Variants in CNTN5 observed in about 807,000 individuals in gnomAD.
The protein encoded by CNTN5 is contactin 5, also known as contactin-5.
CNTN5 carries 77 observed loss-of-function variants against 129.1 expected under a neutral mutation model. The observed-to-expected ratio is 0.60, with a 90% CI of 0.50 to 0.72. CNTN5 has a LOEUF of 0.72. Ranked by LOEUF, CNTN5 falls within the 30% of genes least tolerant of loss-of-function variation. The pLI, the probability that CNTN5 is intolerant of heterozygous loss-of-function variation, is 0.00. For missense variants in CNTN5, 1,478 were observed against 1,328.8 expected (o/e 1.11, Z -1.75); for synonymous variants, 509 against 465.6 (o/e 1.09, Z -1.20).
At chr11:99,513,799 C>G (rs1311224092) in intron 2 of CNTN5, among the ~76,000 whole-genome samples, 2 of 151,968 alleles carry the variant, frequency 1.3e-5, no homozygotes, top group South Asian at 4.1e-4. Flanking sequence ...TGCAAGAGCT[C>G]TGATGGAGAT....
At chr11:99,181,292 A>G (rs1054082321) in intron 1 of CNTN5, among the ~76,000 whole-genome samples, 1 of 152,174 alleles carries the variant, frequency 6.6e-6, no homozygotes, top group Non-Finnish European at 1.5e-5. Flanking sequence ...AGGGAACAGG[A>G]AGAGTTCTAC....
At chr11:99,599,823 T>C (rs1174337356) in intron 3 of CNTN5, among the ~76,000 whole-genome samples, 2 of 152,118 alleles carry the variant, frequency 1.3e-5, no homozygotes, top group African/African-American at 4.8e-5. Flanking sequence ...TTAAAATCCA[T>C]ATAGGAAAAT....
chr11:100,146,683 T>C (rs1379766442), intron 13 of CNTN5, among the ~76,000 whole-genome samples: 2 of 152,254 alleles, frequency 1.3e-5, no homozygotes, highest in East Asian at 1.9e-4. Flanking sequence ...GTTGAAAATA[T>C]AATATAGTTA....
At chr11:100,244,563 T>C (rs1196164567) in intron 16 of CNTN5, among the ~76,000 whole-genome samples, 1 of 152,204 alleles carries the variant, frequency 6.6e-6, no homozygotes, top group Non-Finnish European at 1.5e-5. Flanking sequence ...TTTTTTAAAA[T>C]GAAGGTAGCA....
chr11:99,378,036 A>G (rs145620723), intron 2 of CNTN5, among the ~76,000 whole-genome samples: 1 of 152,180 alleles, frequency 6.6e-6, no homozygotes, highest in Non-Finnish European at 1.5e-5. Flanking sequence ...TTTAGGGTGT[A>G]TAATCAACCT....
intron 1 of CNTN5, among the ~76,000 whole-genome samples, chr11:99,191,834 A>T (rs1246213562): frequency 6.6e-6 from 1 of 151,870 alleles, no homozygotes; most frequent in African/African-American, 2.4e-5. Flanking sequence ...AGAGAAGTTT[A>T]TAGCAATAAA....
chr11:99,586,483 A>C (rs1381568676), intron 3 of CNTN5, among the ~76,000 whole-genome samples: 1 of 152,200 alleles, frequency 6.6e-6, no homozygotes, highest in Non-Finnish European at 1.5e-5. Flanking sequence ...ACCTTTCTGC[A>C]TATCATGTTC....
intron 2 of CNTN5, among the ~76,000 whole-genome samples, chr11:99,549,070 C>G (rs1273640883): frequency 2.0e-5 from 3 of 147,120 alleles, no homozygotes; most frequent in Non-Finnish European, 4.5e-5. Flanking sequence ...TTCCTATTTC[C>G]TCTTTCTCAT....
intron 1 of CNTN5, among the ~76,000 whole-genome samples, chr11:99,185,396 C>T (rs755024310): frequency 6.6e-6 from 1 of 151,686 alleles, no homozygotes; most frequent in Non-Finnish European, 1.5e-5. Context: ...GAAGTAATCT[C>T]GATTGGGTGA....
chr11:100,353,809 T>TG (rs1367097193), intron 24 of CNTN5, among the ~76,000 whole-genome samples: 1 of 151,654 alleles, frequency 6.6e-6, no homozygotes, highest in Admixed American at 6.6e-5. Flanking sequence ...TGTGTGTGTG[T>TG]GTGTGCACGC....
intron 7 of CNTN5, among the ~76,000 whole-genome samples, chr11:99,954,023 G>A (rs924099992): frequency 1.3e-5 from 2 of 152,068 alleles, no homozygotes; most frequent in African/African-American, 4.8e-5. Context: ...TTCATAAGGT[G>A]TAAGCAAGGG....
In CNTN5 at chr11:99,463,456, A is replaced by AAG. The variant is rs1354205463; in HGVS notation, c.-70-92688_-70-92687insGA. Among the ~76,000 whole-genome samples, 2 of 150,586 alleles carry AAG rather than the reference A, an allele frequency of 1.3e-5. 1 individual carries two copies. The highest frequency in any genetic ancestry group is 4.9e-5 in the African/African-American group (2 of 40,726). ...CTGTCTCAAAAAGAAAAAAAAAAAA[A>AAG]AAACAATAGAAGAATGAATGAAAAA... On this transcript the variant is annotated intron_variant, in intron 2 of 24. Transcript: ENST00000524871.
At chr11:99,386,945 A>G (rs915133665) in intron 2 of CNTN5, among the ~76,000 whole-genome samples, 5 of 152,114 alleles carry the variant, frequency 3.3e-5, no homozygotes, top group Non-Finnish European at 7.3e-5. Context: ...GATTTGGCCA[A>G]TTGTTTCTTT....
At chr11:99,707,062 T>C (rs2134919711) in intron 3 of CNTN5, among the ~76,000 whole-genome samples, 1 of 151,580 alleles carries the variant, frequency 6.6e-6, no homozygotes, top group African/African-American at 2.4e-5. Context: ...TGAGATTAGT[T>C]TCTAAGTGGT....
intron 2 of CNTN5, among the ~76,000 whole-genome samples, chr11:99,356,495 G>A (rs1938679966): frequency 6.6e-6 from 1 of 152,160 alleles, no homozygotes; most frequent in Non-Finnish European, 1.5e-5. Flanking sequence ...CTTTTCAGCA[G>A]CATCTTTCAT....
At chr11:99,828,451 C>G (rs1565578472) in intron 4 of CNTN5, among the ~76,000 whole-genome samples, 1 of 152,142 alleles carries the variant, frequency 6.6e-6, no homozygotes, top group South Asian at 2.1e-4. Flanking sequence ...AGGGCAGAGA[C>G]AGTGAGAGCA....
chr11:99,358,940 CT>C (rs1323304217), intron 2 of CNTN5, among the ~76,000 whole-genome samples: 2 of 152,204 alleles, frequency 1.3e-5, no homozygotes, highest in East Asian at 3.9e-4. Flanking sequence ...ACAAATTGGT[CT>C]GTTTATTCAT....
chr11:99,162,067 A>T (rs1251251743), intron 1 of CNTN5, among the ~76,000 whole-genome samples: 1 of 152,130 alleles, frequency 6.6e-6, no homozygotes, highest in Non-Finnish European at 1.5e-5. Flanking sequence ...CTACAACCCT[A>T]GACTACCCTG....
chr11:99,661,694 C>A (rs1323277468), intron 3 of CNTN5, among the ~76,000 whole-genome samples: 1 of 151,808 alleles, frequency 6.6e-6, no homozygotes, highest in African/African-American at 2.4e-5. Flanking sequence ...CACATATATA[C>A]ATATACACAT....
Sources: allele counts gnomAD v4.1 joint callset (sites outside exome capture counted in the v4.1 genomes callset), GRCh38; gene constraint gnomAD v4.1.1; transcripts MANE v1.5; gene names NCBI Gene and HGNC (gene_info 2026-07-23, HGNC 2026-07-21).